Variants in ABCA12 observed in about 807,000 individuals in gnomAD.
ABCA12 encodes glucosylceramide transporter ABCA12.
Under a neutral mutation model 293.5 loss-of-function variants are expected in ABCA12, and 156 were observed. The observed-to-expected ratio is 0.53, with a 90% CI of 0.47 to 0.61. ABCA12 has a LOEUF of 0.61. Ranked by LOEUF, ABCA12 falls within the 20% of genes least tolerant of loss-of-function variation. ABCA12 has a pLI of 0.00. For missense variants in ABCA12, 2,797 were observed against 3,090.2 expected, an observed-to-expected ratio of 0.91 and a Z score of 2.25; for synonymous variants, 1,063 against 1,108.0, an observed-to-expected ratio of 0.96 and a Z score of 0.81.
At chr2:214,947,256 A>G (rs1698612012) in intron 48 of ABCA12, among the ~76,000 whole-genome samples, 166 bp downstream of exon 48, 1 of 152,234 alleles carries the variant, frequency 6.6e-6, no homozygotes, top group Non-Finnish European at 1.5e-5. Flanking sequence ...TGCTGATATA[A>G]AATCCTTTAT....
chr2:215,134,237 T>C (rs190581984), intron 1 of ABCA12, among the ~76,000 whole-genome samples: 3 of 149,776 alleles, frequency 2.0e-5, no homozygotes, highest in Admixed American at 6.7e-5. Context: ...TATATATATG[T>C]ATATGTGTAT....
At chr2:215,071,132 G>C (rs1248837490) in intron 2 of ABCA12, among the ~76,000 whole-genome samples, 2 of 151,492 alleles carry the variant, frequency 1.3e-5, no homozygotes, top group East Asian at 1.9e-4. Flanking sequence ...AGGAGTTCAA[G>C]GCTGCAGTGA....
Position 215,019,680 on chromosome 2 carries a change from C to T in ABCA12, c.1404G>A (p.Glu468=), listed in dbSNP as rs1700583835. Residue 468 remains glutamate (E), a synonymous_variant, in exon 12 of 53, where the codon GAG becomes GAA. Coordinates refer to ENST00000272895, the MANE Select transcript of ABCA12 (RefSeq NM_173076.3). Reference sequence around the variant, plus strand: ...CCGCTTCGAGGAGTTGCAGATCAAACTCACTTTCTTCACACAGGCTCCCAA... The same window carrying T: ...CCGCTTCGAGGAGTTGCAGATCAAATTCACTTTCTTCACACAGGCTCCCAA... ...MSFGSLCEES[E]FDLQLLEAAE... is the part of the protein sequence containing the mutation. 8 of 1,614,074 alleles carry T rather than the reference C, an allele frequency of 5.0e-6. No individual in the cohort carries two copies. The highest frequency in any genetic ancestry group is 1.3e-5 in the African/African-American group (1 of 74,936).
intron 26 of ABCA12, 145 bp from the exon 27 acceptor site, chr2:214,987,938 C>G: frequency 9.2e-7 from 1 of 1,086,664 alleles, no homozygotes; most frequent in South Asian, 1.5e-5. Flanking sequence ...GTCTCAGTTT[C>G]CATAGTAAAG....
In ABCA12 at chr2:214,970,259, A is replaced by G. The variant is rs749575167; in HGVS notation, c.5690+14T>C. On this transcript the variant is annotated intron_variant, in intron 37 of 52. Coordinates refer to ENST00000272895, the MANE Select transcript of ABCA12 (RefSeq NM_173076.3). ...TAGCAAGCAATTAAATATGTTATAA[A>G]CAGATTATTTTACCTTTTTTGGACA... 8.1e-6 allele frequency: 13 copies of G among 1,609,872 alleles called. No individual in the cohort carries two copies. The highest frequency in any genetic ancestry group is 1.1e-5 in the Non-Finnish European group (13 of 1,178,040).
chr2:214,967,772 G>A (rs1488601128), intron 38 of ABCA12, among the ~76,000 whole-genome samples: 2 of 152,138 alleles, frequency 1.3e-5, no homozygotes, highest in Non-Finnish European at 1.5e-5. Context: ...GGTAGTTTGT[G>A]TAAAAGATGA....
At chr2:214,960,532 T>C (rs1280090247) in intron 39 of ABCA12, 1 of 152,114 alleles carries the variant, frequency 6.6e-6, no homozygotes, top group Non-Finnish European at 1.5e-5. Context: ...GGGACCTGTA[T>C]CATAATTATC....
intron 2 of ABCA12, among the ~76,000 whole-genome samples, chr2:215,090,225 C>T (rs1175564459): frequency 6.6e-6 from 1 of 152,124 alleles, no homozygotes; most frequent in Non-Finnish European, 1.5e-5. Context: ...CGGAATCAGC[C>T]CACCTGCACC....
chr2:215,018,804 T>C lies in ABCA12; in HGVS notation c.1657+532A>G, dbSNP rs1574987528. Among the ~76,000 whole-genome samples the C allele has an allele frequency of 2.0e-5, 3 of 152,232 alleles. No homozygotes were observed. In the East Asian group the frequency reaches 5.8e-4, roughly 29 times the overall value. On this transcript the variant is annotated intron_variant, in intron 13 of 52. Transcript: ENST00000272895. ...CATGCAAATATATCTTTTTTTTATT[T>C]TTCAATCTAGTGCCATTCCAATTTT...
intron 2 of ABCA12, among the ~76,000 whole-genome samples, chr2:215,073,874 CG>C (rs1361311557): frequency 3.3e-5 from 5 of 152,218 alleles, no homozygotes; most frequent in South Asian, 2.1e-4. Flanking sequence ...GGGGAAGCAT[CG>C]GGGATTCCTC....
chr2:215,054,414 CCG>C (rs1161717445), intron 4 of ABCA12, among the ~76,000 whole-genome samples, 157 bp downstream of exon 4: 2 of 152,022 alleles, frequency 1.3e-5, no homozygotes, highest in African/African-American at 4.8e-5. Flanking sequence ...CGTAATTGCA[CCG>C]CCATACTCAG....
At chr2:215,011,012 C>T (rs1700359843) in intron 17 of ABCA12, among the ~76,000 whole-genome samples, 1 of 152,186 alleles carries the variant, frequency 6.6e-6, no homozygotes, top group South Asian at 2.1e-4. Flanking sequence ...AGTCATGCAA[C>T]TCTACCATGT....
chr2:215,033,046 C>G (rs1700913262), intron 8 of ABCA12, among the ~76,000 whole-genome samples: 1 of 152,150 alleles, frequency 6.6e-6, no homozygotes, highest in African/African-American at 2.4e-5. Flanking sequence ...TTTGTACAGC[C>G]CCTGCTATCT....
intron 3 of ABCA12, among the ~76,000 whole-genome samples, chr2:215,062,928 G>C (rs924874166): frequency 6.6e-6 from 1 of 151,962 alleles, no homozygotes; most frequent in African/African-American, 2.4e-5. Flanking sequence ...ATGCAAAAAG[G>C]ATAGAGAAAT....
At chr2:215,083,986 A>AT (rs888803877) in intron 2 of ABCA12, among the ~76,000 whole-genome samples, 26 of 150,980 alleles carry the variant, frequency 1.7e-4, no homozygotes, top group Non-Finnish European at 2.5e-4. Flanking sequence ...CAAGATAGCA[A>AT]TTTTTTTTTG....
chr2:215,073,095 C>CA (rs1358772045), intron 2 of ABCA12, among the ~76,000 whole-genome samples: 39 of 148,646 alleles, frequency 2.6e-4, no homozygotes, highest in Admixed American at 4.7e-4. Context: ...AGTCTGCCTC[C>CA]AAAAAAAAAG....
chr2:215,132,419 C>A (rs1263407375), intron 1 of ABCA12, among the ~76,000 whole-genome samples: 1 of 151,794 alleles, frequency 6.6e-6, no homozygotes, highest in Non-Finnish European at 1.5e-5. Context: ...CTGGGTGCTT[C>A]CGTATTGGGT....
At chr2:215,029,384 G>A (rs1700823870) in intron 9 of ABCA12, 1 of 152,126 alleles carries the variant, frequency 6.6e-6, no homozygotes, top group Non-Finnish European at 1.5e-5. Context: ...GCTTCAGTAA[G>A]GTGGTTCTCC....
At chr2:215,137,775 A>G (rs949682826) in intron 1 of ABCA12, among the ~76,000 whole-genome samples, 7 of 152,200 alleles carry the variant, frequency 4.6e-5, no homozygotes, top group Non-Finnish European at 1.0e-4. Context: ...CATTTCAAAT[A>G]ATACTTTTCT....
Sources: gnomAD v4.1 joint callset for allele counts (sites outside exome capture counted in the v4.1 genomes callset) on GRCh38, gnomAD v4.1.1 for gene constraint, MANE v1.5 for transcripts, NCBI Gene and HGNC (gene_info 2026-07-23, HGNC 2026-07-21) for gene names.